Variants in TRHDE observed in about 807,000 individuals in gnomAD.
The protein encoded by TRHDE is thyrotropin-releasing hormone-degrading ectoenzyme.
Under a neutral mutation model 125.7 loss-of-function variants are expected in TRHDE, and 72 were observed. The ratio of observed to expected loss-of-function variants is 0.57; its 90% CI spans 0.47 to 0.70. The LOEUF (loss-of-function observed/expected upper bound fraction) is 0.70. TRHDE is among the 30% of genes least tolerant of loss of function. The pLI is 0.00. For missense variants in TRHDE, 1,110 were observed against 1,327.1 expected (o/e 0.84, Z 2.54); for synonymous variants, 509 against 509.1 (o/e 1.00, Z 0.00).
chr12:72,624,500 A>T (rs1052117547), intron 15 of TRHDE, among the ~76,000 whole-genome samples: 28 of 151,908 alleles, frequency 1.8e-4, no homozygotes, highest in African/African-American at 6.5e-4. Context: ...TATGCAGCAT[A>T]ATCTTGATAC....
chr12:72,088,066 T>C (rs1365352049), intron 1 of TRHDE, among the ~76,000 whole-genome samples: 1 of 152,072 alleles, frequency 6.6e-6, no homozygotes, highest in Non-Finnish European at 1.5e-5. Flanking sequence ...ATGGAGAAGG[T>C]TATTTGAGGG....
chr12:72,615,792 T>C (rs1872790728), intron 12 of TRHDE, among the ~76,000 whole-genome samples: 1 of 152,088 alleles, frequency 6.6e-6, no homozygotes, highest in Non-Finnish European at 1.5e-5. Context: ...TTATTTCTGC[T>C]CACATAACAT....
chr12:72,167,570 G>T (rs1048417564), intron 2 of TRHDE: 1 of 152,160 alleles, frequency 6.6e-6, no homozygotes, highest in African/African-American at 2.4e-5. Flanking sequence ...TGATGCTTAA[G>T]GGACTTCACT....
chr12:72,588,206 A>C (rs940456084), intron 12 of TRHDE, among the ~76,000 whole-genome samples: 1 of 152,202 alleles, frequency 6.6e-6, no homozygotes, highest in Non-Finnish European at 1.5e-5. Context: ...ATACAAAGTT[A>C]GTCAGTATTA....
chr12:72,289,709 TTC>T (rs945751864), intron 2 of TRHDE, among the ~76,000 whole-genome samples: 4 of 152,136 alleles, frequency 2.6e-5, no homozygotes, highest in African/African-American at 9.7e-5. Context: ...GCAGAAAAGG[TTC>T]CTGCTCCCAG....
intron 3 of TRHDE, among the ~76,000 whole-genome samples, chr12:72,441,112 A>G (rs1413721667): frequency 6.6e-6 from 1 of 151,732 alleles, no homozygotes; most frequent in Admixed American, 6.6e-5. Flanking sequence ...ACTATACAAG[A>G]TGATAAGGGC....
intron 2 of TRHDE, among the ~76,000 whole-genome samples, chr12:72,258,688 G>T (rs1878873877): frequency 6.6e-6 from 1 of 152,108 alleles, no homozygotes. Flanking sequence ...AAAAGGTCCA[G>T]TTCAGGAGAA....
At chr12:72,599,577 G>T (rs1397279536) in intron 12 of TRHDE, among the ~76,000 whole-genome samples, 4 of 151,830 alleles carry the variant, frequency 2.6e-5, no homozygotes, top group African/African-American at 9.7e-5. Context: ...TTTGGTTTTT[G>T]CTTAACTATT....
Position 72,347,913 on chromosome 12 carries a change from A to T in TRHDE, c.1189-30082A>T, listed in dbSNP as rs1870403118. Among the ~76,000 whole-genome samples the T allele has an allele frequency of 7.9e-5, 12 of 152,092 alleles. No individual in the cohort carries two copies. The South Asian group carries it at 2.5e-3, about 32-fold the overall frequency. ...CCAGGCTCAGGTGACACTCAAAAGGAGAGGATTACAGAAGGGTGTGAATAC... is the reference window on the plus strand; with the variant it reads ...CCAGGCTCAGGTGACACTCAAAAGGTGAGGATTACAGAAGGGTGTGAATAC... On this transcript the variant is annotated intron_variant, in intron 2 of 18. Coordinates refer to ENST00000261180, the MANE Select transcript of TRHDE (RefSeq NM_013381.3).
chr12:72,473,863 G>C, intron 5 of TRHDE, among the ~76,000 whole-genome samples: 1 of 151,710 alleles, frequency 6.6e-6, no homozygotes, highest in Admixed American at 6.6e-5. Flanking sequence ...ATAGAACCCG[G>C]GGTATATATA....
At chr12:72,456,986 T>C (rs190970508) in intron 3 of TRHDE, among the ~76,000 whole-genome samples, 7 of 152,138 alleles carry the variant, frequency 4.6e-5, no homozygotes, top group African/African-American at 1.7e-4. Context: ...AAAGCCACTT[T>C]CTTTAAACTC....
chr12:72,367,640 C>T (rs1203301453), intron 2 of TRHDE, among the ~76,000 whole-genome samples: 1 of 152,136 alleles, frequency 6.6e-6, no homozygotes, highest in Non-Finnish European at 1.5e-5. Flanking sequence ...CACCCTGCTG[C>T]TTTTTCCCTG....
intron 1 of TRHDE, among the ~76,000 whole-genome samples, chr12:72,098,932 G>C (rs1338302668): frequency 2.6e-5 from 4 of 152,168 alleles, no homozygotes; most frequent in Non-Finnish European, 1.5e-5. Flanking sequence ...TTGGGAGGCT[G>C]GCACTTTGGA....
chr12:72,200,865 T>C (rs1278984734), intron 2 of TRHDE, among the ~76,000 whole-genome samples: 2 of 151,360 alleles, frequency 1.3e-5, no homozygotes, highest in African/African-American at 4.9e-5. Flanking sequence ...TGTTTATAAG[T>C]GTGCAAAGGC....
intron 10 of TRHDE, among the ~76,000 whole-genome samples, 164 bp from the exon 11 acceptor site, chr12:72,575,091 C>A (rs1199748497): frequency 1.3e-5 from 2 of 152,008 alleles, no homozygotes; most frequent in Admixed American, 6.6e-5. Context: ...GTTTTTCTAG[C>A]AAATTCTAGA....
At chr12:72,595,681 G>A (rs1256923642) in intron 12 of TRHDE, among the ~76,000 whole-genome samples, 2 of 152,124 alleles carry the variant, frequency 1.3e-5, no homozygotes, top group African/African-American at 2.4e-5. Flanking sequence ...AATAAAATAT[G>A]TGACCTTGAG....
chr12:72,623,963 T>C (rs1409060330), intron 15 of TRHDE, among the ~76,000 whole-genome samples: 1 of 152,088 alleles, frequency 6.6e-6, no homozygotes, highest in Non-Finnish European at 1.5e-5. Context: ...TCATTAATTC[T>C]ATTTTATATT....
At chr12:72,455,609 A>G (rs1190360369) in intron 3 of TRHDE, among the ~76,000 whole-genome samples, 3 of 152,168 alleles carry the variant, frequency 2.0e-5, no homozygotes, top group Non-Finnish European at 4.4e-5. Context: ...GATGGAAATT[A>G]CATTAAATAT....
At chr12:72,274,527 A>T (rs1427173974) in intron 1 of TRHDE, 1 of 152,210 alleles carries the variant, frequency 6.6e-6, no homozygotes, top group Non-Finnish European at 1.5e-5. Flanking sequence ...TTTTCCTGAC[A>T]TGACTACTTC....
Sources: gnomAD v4.1 joint callset for allele counts (sites outside exome capture counted in the v4.1 genomes callset) on GRCh38, gnomAD v4.1.1 for gene constraint, MANE v1.5 for transcripts, NCBI Gene and HGNC (gene_info 2026-07-23, HGNC 2026-07-21) for gene names.